The following TAFA1 variants were observed in gnomAD, a reference collection of about 807,000 sequenced individuals.
The protein encoded by TAFA1 is TAFA chemokine like family member 1, also known as chemokine-like protein TAFA-1.
TAFA1 carries 4 observed loss-of-function variants against 18.5 expected under a neutral mutation model. That is an observed-to-expected ratio of 0.22 (90% CI 0.11 to 0.49). The LOEUF is 0.49. TAFA1 is among the 20% of genes least tolerant of loss of function. The pLI is 0.98. For synonymous variants in TAFA1, 56 were observed against 55.2 expected, an observed-to-expected ratio of 1.01 and a Z score of -0.06; for missense variants, 147 against 169.0, an observed-to-expected ratio of 0.87 and a Z score of 0.72.
intron 2 of TAFA1, among the ~76,000 whole-genome samples, chr3:68,197,266 T>C (rs930913928): frequency 1.3e-5 from 2 of 151,810 alleles, no homozygotes; most frequent in African/African-American, 4.8e-5. Flanking sequence ...AGAACATTTA[T>C]ACTGTGCTAA....
At chr3:68,469,692 CAG>C (rs1302672738) in intron 3 of TAFA1, among the ~76,000 whole-genome samples, 11 of 152,116 alleles carry the variant, frequency 7.2e-5, no homozygotes, top group African/African-American at 2.2e-4. Flanking sequence ...AAGGAAAATT[CAG>C]AGAGAGAGAT....
the TAFA1 span, among the ~76,000 whole-genome samples, chr3:67,998,904 T>C: frequency 6.6e-6 from 1 of 152,202 alleles, no homozygotes; most frequent in East Asian, 1.9e-4. Flanking sequence ...TGTTTGTTTT[T>C]CTGTTAATTG....
chr3:68,107,680 A>G (rs1038605211), intron 2 of TAFA1, among the ~76,000 whole-genome samples: 4 of 152,148 alleles, frequency 2.6e-5, no homozygotes. Flanking sequence ...GAGATATGTC[A>G]TATCTTTTAT....
At chr3:67,995,375 G>C in the TAFA1 span, among the ~76,000 whole-genome samples, 1 of 152,052 alleles carries the variant, frequency 6.6e-6, no homozygotes, top group African/African-American at 2.4e-5. Context: ...GATCTGGGTG[G>C]GGGCCAGGGC....
At chr3:68,408,450 A>G (rs1300859610) in intron 2 of TAFA1, among the ~76,000 whole-genome samples, 1 of 152,178 alleles carries the variant, frequency 6.6e-6, no homozygotes, top group Admixed American at 6.6e-5. Flanking sequence ...ATCTTTGCAA[A>G]AGCTACACTT....
intron 2 of TAFA1, among the ~76,000 whole-genome samples, chr3:68,310,497 T>C (rs942362367): frequency 6.6e-6 from 1 of 152,216 alleles, no homozygotes; most frequent in African/African-American, 2.4e-5. Context: ...CACATGACTA[T>C]ATTCCTTGGT....
chr3:68,396,854 G>A (rs895069160), intron 2 of TAFA1, among the ~76,000 whole-genome samples: 1 of 152,146 alleles, frequency 6.6e-6, no homozygotes, highest in African/African-American at 2.4e-5. Flanking sequence ...GAACTACTCA[G>A]TGTCCTCTGA....
intron 2 of TAFA1, among the ~76,000 whole-genome samples, chr3:68,051,445 G>T (rs1679149866): frequency 6.6e-6 from 1 of 152,038 alleles, no homozygotes; most frequent in Admixed American, 6.6e-5. Context: ...GCCACCTAGG[G>T]GATATTTGAC....
intron 2 of TAFA1, among the ~76,000 whole-genome samples, chr3:68,388,469 T>C (rs1195860543): frequency 1.3e-5 from 2 of 152,156 alleles, no homozygotes; most frequent in African/African-American, 4.8e-5. Context: ...TCATCTATAT[T>C]TTTGCATTTT....
At chr3:68,531,131 T>C (rs2073183025) in intron 3 of TAFA1, among the ~76,000 whole-genome samples, 1 of 152,188 alleles carries the variant, frequency 6.6e-6, no homozygotes, top group Non-Finnish European at 1.5e-5. Context: ...TTGGGAAAGT[T>C]ACTTAGTCTC....
chr3:68,463,595 A>G (rs2071825823), intron 3 of TAFA1, among the ~76,000 whole-genome samples: 2 of 152,082 alleles, frequency 1.3e-5, no homozygotes, highest in Non-Finnish European at 2.9e-5. Context: ...CCATGTCCAC[A>G]ATGAATCTTG....
At chr3:68,377,508 A>G (rs989076254) in intron 2 of TAFA1, among the ~76,000 whole-genome samples, 4 of 152,204 alleles carry the variant, frequency 2.6e-5, no homozygotes, top group Admixed American at 6.5e-5. Context: ...TTTATGTTTA[A>G]AAAGGAAGCA....
At chr3:68,453,694 C>T (rs114234062) in intron 3 of TAFA1, among the ~76,000 whole-genome samples, 1,954 of 152,156 alleles carry the variant, frequency 0.013, 22 homozygotes, top group Non-Finnish European at 0.02. Flanking sequence ...AGCAATATGC[C>T]GAAATTGTGT....
intron 3 of TAFA1, among the ~76,000 whole-genome samples, chr3:68,514,486 A>G (rs1461053122): frequency 6.6e-6 from 1 of 152,110 alleles, no homozygotes; most frequent in East Asian, 1.9e-4. Context: ...TCTTGGTTTA[A>G]ATTCTTTCAG....
chr3:68,524,752 G>T (rs530602763), intron 3 of TAFA1, among the ~76,000 whole-genome samples: 1 of 151,832 alleles, frequency 6.6e-6, no homozygotes, highest in Non-Finnish European at 1.5e-5. Context: ...CTCACTGCAA[G>T]CTCTGCCTCC....
intron 2 of TAFA1, among the ~76,000 whole-genome samples, chr3:68,291,889 C>A (rs374666432): frequency 6.6e-6 from 1 of 152,112 alleles, no homozygotes; most frequent in African/African-American, 2.4e-5. Context: ...TCTTTAAAAT[C>A]TAATCATCTA....
chr3:68,084,880 A>G (rs781546609), intron 2 of TAFA1, among the ~76,000 whole-genome samples: 1 of 150,768 alleles, frequency 6.6e-6, no homozygotes, highest in Non-Finnish European at 1.5e-5. Flanking sequence ...TCTCTCCTAT[A>G]CTCTTTACTC....
intron 3 of TAFA1, among the ~76,000 whole-genome samples, chr3:68,420,938 A>G (rs1335390810): frequency 6.6e-6 from 1 of 152,218 alleles, no homozygotes; most frequent in Non-Finnish European, 1.5e-5. Flanking sequence ...CTAGAAGCCA[A>G]TAAGCATTAT....
At chr3:68,176,961 C>T (rs528374509) in intron 2 of TAFA1, among the ~76,000 whole-genome samples, 2 of 152,088 alleles carry the variant, frequency 1.3e-5, no homozygotes, top group South Asian at 4.2e-4. Context: ...TCATCTGGTT[C>T]TTGGTGGCAT....
Sources: allele counts gnomAD v4.1 joint callset (sites outside exome capture counted in the v4.1 genomes callset), GRCh38; gene constraint gnomAD v4.1.1; transcripts MANE v1.5; gene names NCBI Gene and HGNC (gene_info 2026-07-23, HGNC 2026-07-21).